TRHDE: variants seen among roughly 807,000 people sequenced by gnomAD.
TRHDE encodes the protein thyrotropin-releasing hormone-degrading ectoenzyme.
TRHDE carries 72 observed loss-of-function variants against 125.7 expected under a neutral mutation model. The ratio of observed to expected loss-of-function variants is 0.57; its 90% CI spans 0.47 to 0.70. The LOEUF is 0.70. Ranked by LOEUF, TRHDE falls within the 30% of genes least tolerant of loss-of-function variation. The pLI, the probability that TRHDE is intolerant of heterozygous loss-of-function variation, is 0.00. For synonymous variants in TRHDE, 509 were observed against 509.1 expected (o/e 1.00, Z 0.00); for missense variants, 1,110 against 1,327.1 (o/e 0.84, Z 2.54).
chr12:72,209,947 T>C (rs898512080), intron 2 of TRHDE, among the ~76,000 whole-genome samples: 6 of 152,138 alleles, frequency 3.9e-5, no homozygotes, highest in Non-Finnish European at 2.9e-5. Context: ...CAGAGAAAAA[T>C]GTTCCAGGAT....
intron 3 of TRHDE, among the ~76,000 whole-genome samples, chr12:72,419,044 T>C (rs974126247): frequency 1.3e-5 from 2 of 152,108 alleles, no homozygotes; most frequent in African/African-American, 4.8e-5. Context: ...TAAAGAGATA[T>C]TAAATTATAA....
rs1329944744 is a variant in TRHDE, at chr12:72,667,781, AT to A, written c.*4587del. ...TGTTACATTTTGAAATTATAATAAAATAATAGAGTTTAAACTCTAATAATTG... is the reference window on the plus strand; with the variant it reads ...TGTTACATTTTGAAATTATAATAAAAAATAGAGTTTAAACTCTAATAATTG... On this transcript the variant is annotated 3_prime_UTR_variant, in exon 19 of 19. Transcript: ENST00000261180. The A allele has an allele frequency of 6.6e-6, 1 of 151,748 alleles. No individual in the cohort carries two copies. Among genetic ancestry groups the A allele is most frequent in the African/African-American group, 2.4e-5 (1 of 41,422 alleles). The allele number at this position is 151,748 out of a possible 1,614,324, so 9.4% of individuals were successfully genotyped here.
At chr12:72,559,848 C>G (rs928111359) in intron 7 of TRHDE, among the ~76,000 whole-genome samples, 1 of 152,050 alleles carries the variant, frequency 6.6e-6, no homozygotes. Flanking sequence ...GGTTATTATA[C>G]CAAGACTTCT....
chr12:72,287,577 G>GACACACACAC lies in TRHDE; in HGVS notation c.1188+642_1188+651dup, dbSNP rs10606890. Among the ~76,000 whole-genome samples the GACACACACAC allele has an allele frequency of 2.8e-3, 414 of 147,794 alleles. 1 individual carries two copies. Among genetic ancestry groups the GACACACACAC allele is most frequent in the African/African-American group, 9.6e-3 (388 of 40,536 alleles). On this transcript the variant is annotated intron_variant, in intron 2 of 18. Coordinates refer to ENST00000261180, the MANE Select transcript of TRHDE (RefSeq NM_013381.3). ...TACGATTATTTCATATCTATGTATAGACACACACACACACACACACACACA... is the reference window on the plus strand; with the variant it reads ...TACGATTATTTCATATCTATGTATAGACACACACACACACACACACACACACACACACACA...
intron 2 of TRHDE, among the ~76,000 whole-genome samples, chr12:72,337,057 C>T (rs560897944): frequency 4.2e-4 from 64 of 152,290 alleles, no homozygotes; most frequent in Non-Finnish European, 7.9e-4. Context: ...GATTTGTATG[C>T]ATTTTAATTG....
At chr12:72,294,712 A>G (rs938764632) in intron 2 of TRHDE, among the ~76,000 whole-genome samples, 54 of 152,010 alleles carry the variant, frequency 3.6e-4, no homozygotes, top group African/African-American at 1.3e-3. Context: ...GCCCCCTTCC[A>G]CCCAGGAATC....
chr12:72,570,542 T>C (rs944409737), intron 10 of TRHDE, among the ~76,000 whole-genome samples: 3 of 127,482 alleles, frequency 2.4e-5, no homozygotes, highest in African/African-American at 8.9e-5. Context: ...GATCGCGCTA[T>C]GGCACTCCAG....
At chr12:72,157,065 T>A (rs1267470897) in intron 2 of TRHDE, among the ~76,000 whole-genome samples, 1 of 152,014 alleles carries the variant, frequency 6.6e-6, no homozygotes, top group Non-Finnish European at 1.5e-5. Flanking sequence ...ATCTGGGGGA[T>A]GATTGTTCTG....
At position 72,272,990 on chromosome 12, in the gene TRHDE, G is replaced by A; in HGVS notation, c.347G>A (p.Ser116Asn). The A allele has an allele frequency of 6.4e-7, 1 of 1,552,474 alleles. No individual in the cohort carries two copies. Among genetic ancestry groups the A allele is most frequent in the Non-Finnish European group, 8.7e-7 (1 of 1,155,370 alleles). Residue 116 changes from serine to asparagine, a missense_variant, in exon 1 of 19, where the codon AGT (serine) becomes AAT (asparagine). By Grantham distance (46) the Ser-to-Asn change is conservative. Around this residue, in one of 5 missense-constraint regions of TRHDE, gnomAD observed 248 missense variants for 240.8 expected, o/e 1.03. Transcript: ENST00000261180. This position sits in a 1 kb window ranked among gnomAD's most constrained non-coding sequence, Gnocchi z 6.7. The part of the protein sequence containing the change: ...LSLRFDECGA[S>N]ATPGADGGPS... Reference sequence around the variant, plus strand: ...CTGCGCTTCGACGAGTGCGGGGCGAGTGCCACGCCAGGCGCCGACGGTGGC... The same window carrying A: ...CTGCGCTTCGACGAGTGCGGGGCGAATGCCACGCCAGGCGCCGACGGTGGC...
intron 15 of TRHDE, among the ~76,000 whole-genome samples, chr12:72,644,001 T>C (rs186020894): frequency 6.9e-4 from 105 of 152,302 alleles, no homozygotes; most frequent in African/African-American, 2.4e-3. Context: ...GATACCCTCT[T>C]GAAGGGTATA....
intron 6 of TRHDE, among the ~76,000 whole-genome samples, 165 bp from the exon 7 acceptor site, chr12:72,542,126 G>A (rs1398057259): frequency 6.6e-6 from 1 of 151,274 alleles, no homozygotes; most frequent in Non-Finnish European, 1.5e-5. Flanking sequence ...CCAAAAAAAT[G>A]AAATTGTTAT....
At chr12:72,332,341 G>A (rs1179391781) in intron 2 of TRHDE, among the ~76,000 whole-genome samples, 2 of 152,106 alleles carry the variant, frequency 1.3e-5, no homozygotes, top group Non-Finnish European at 2.9e-5. Flanking sequence ...GGGTTTCACC[G>A]TGTTAGGCAG....
In TRHDE at chr12:72,230,791, G is replaced by T. The variant is rs1398788970; in HGVS notation, n.279+125039G>T. ...GTAAAATTCCACTCCAGCCAAATAT[G>T]CTTATAAAAGTTGGTTGTGCCTTAT... On this transcript the variant is annotated intron_variant and non_coding_transcript_variant, in intron 2 of 4. Coordinates refer to the TRHDE transcript ENST00000548156. Among the ~76,000 whole-genome samples the T allele has an allele frequency of 2.6e-5, 4 of 152,036 alleles. No homozygotes were observed. In the East Asian group the frequency reaches 7.7e-4, roughly 29 times the overall value.
chr12:72,190,500 T>G (rs949399522), intron 2 of TRHDE, among the ~76,000 whole-genome samples: 1 of 152,214 alleles, frequency 6.6e-6, no homozygotes, highest in African/African-American at 2.4e-5. Context: ...TCAGTACCAA[T>G]TCATGGAAAG....
intron 15 of TRHDE, among the ~76,000 whole-genome samples, chr12:72,622,512 A>G (rs981979182): frequency 7.2e-5 from 11 of 151,992 alleles, no homozygotes; most frequent in African/African-American, 2.7e-4. Context: ...TTTGGCCCCC[A>G]TAACTAGAGT....
chr12:72,238,317 T>TATAC (rs1878394017), intron 2 of TRHDE, among the ~76,000 whole-genome samples: 3 of 31,536 alleles, frequency 9.5e-5, no homozygotes, highest in African/African-American at 1.1e-4. Flanking sequence ...TATATATATA[T>TATAC]ATATACATAT....
chr12:72,414,488 A>T (rs1314785678), intron 3 of TRHDE, among the ~76,000 whole-genome samples: 1 of 152,168 alleles, frequency 6.6e-6, no homozygotes, highest in East Asian at 1.9e-4. Flanking sequence ...TTAAACAATG[A>T]ATTGAAAAAG....
At chr12:72,233,511 T>C (rs1878285961) in intron 2 of TRHDE, among the ~76,000 whole-genome samples, 1 of 152,102 alleles carries the variant, frequency 6.6e-6, no homozygotes, top group Non-Finnish European at 1.5e-5. Context: ...CACAGAAGCA[T>C]TAAAAAAGTA....
chr12:72,251,583 C>T lies in TRHDE; in HGVS notation n.280-126412C>T, dbSNP rs550335197. Among the ~76,000 whole-genome samples the T allele has an allele frequency of 3.2e-4, 49 of 152,006 alleles. 1 individual carries two copies. The highest frequency in any genetic ancestry group is 1.1e-3 in the African/African-American group (44 of 41,482). On this transcript the variant is annotated intron_variant and non_coding_transcript_variant, in intron 2 of 4. Transcript: ENST00000548156. ...TTCACCCATGGTAGGACACCTGAGA[C>T]GGTTCCAATTTTTGGCTACTATGAA...
Sources: gnomAD v4.1 joint callset for allele counts (sites outside exome capture counted in the v4.1 genomes callset) on GRCh38, gnomAD v4.1.1 for gene constraint, gnomAD v4.1.1 regional missense constraint, Gnocchi (gnomAD v3.1) non-coding constraint, MANE v1.5 for transcripts, NCBI Gene and HGNC (gene_info 2026-07-23, HGNC 2026-07-21) for gene names.